ENTPD1: variants seen among roughly 807,000 people sequenced by gnomAD.
The protein encoded by ENTPD1 is ectonucleoside triphosphate diphosphohydrolase 1, also known as ATP diphosphohydrolase.
Under a neutral mutation model 57.0 loss-of-function variants are expected in ENTPD1, and 33 were observed. The ratio of observed to expected loss-of-function variants is 0.58; its 90% CI spans 0.44 to 0.77. ENTPD1 has a LOEUF of 0.77. Ranked by LOEUF, ENTPD1 falls within the 30% of genes least tolerant of loss-of-function variation. The pLI is 0.00. For synonymous variants in ENTPD1, 202 were observed against 218.8 expected, an observed-to-expected ratio of 0.92 and a Z score of 0.68; for missense variants, 501 against 603.4, an observed-to-expected ratio of 0.83 and a Z score of 1.78.
intron 1 of ENTPD1, among the ~76,000 whole-genome samples, chr10:95,800,651 G>A (rs948124314): frequency 1.3e-5 from 2 of 152,124 alleles, no homozygotes; most frequent in Admixed American, 1.3e-4. Flanking sequence ...CCTTCCCCAG[G>A]GTTACTCCTT....
At chr10:95,860,348 T>A in intron 7 of ENTPD1, 121 bp from the exon 8 acceptor site, 1 of 766,444 alleles carries the variant, frequency 1.3e-6, no homozygotes, top group Non-Finnish European at 2.2e-6. Flanking sequence ...AATATCACTT[T>A]GTGTGTTAAT....
upstream of ENTPD1, chr10:95,755,720 G>A (rs1413878235): frequency 7.2e-6 from 11 of 1,537,148 alleles, no homozygotes; most frequent in African/African-American, 1.4e-5. Context: ...GCTTTATGGG[G>A]AGGGAAGAAC....
At chr10:95,809,291 A>T (rs1372025156) in intron 1 of ENTPD1, among the ~76,000 whole-genome samples, 3 of 141,226 alleles carry the variant, frequency 2.1e-5, no homozygotes, top group African/African-American at 8.0e-5. Context: ...CATCCCAGAC[A>T]GGGTGGCCAG....
chr10:95,826,895 T>C (rs1771430924), intron 2 of ENTPD1, among the ~76,000 whole-genome samples: 1 of 152,108 alleles, frequency 6.6e-6, no homozygotes, highest in South Asian at 2.1e-4. Flanking sequence ...AGGGGGAGCC[T>C]TTGGGTTCAA....
chr10:95,732,753 A>C (rs1016824692), intron 1 of ENTPD1, among the ~76,000 whole-genome samples: 2 of 152,192 alleles, frequency 1.3e-5, no homozygotes, highest in African/African-American at 4.8e-5. Flanking sequence ...AGACACACAC[A>C]TGTCGGCAGG....
upstream of ENTPD1, among the ~76,000 whole-genome samples, chr10:95,707,447 G>A (rs2097963005): frequency 6.6e-6 from 1 of 152,220 alleles, no homozygotes; most frequent in South Asian, 2.1e-4. Context: ...GGGCCTCCCT[G>A]CTGCAGCTAG....
chr10:95,855,446 A>C (rs1202621145), intron 7 of ENTPD1, among the ~76,000 whole-genome samples: 3 of 151,678 alleles, frequency 2.0e-5, no homozygotes, highest in Admixed American at 1.3e-4. Flanking sequence ...ATTTAAGGTT[A>C]ATATTGTTAT....
At chr10:95,842,579 C>T in intron 4 of ENTPD1, 85 bp downstream of exon 4, 1 of 1,463,278 alleles carries the variant, frequency 6.8e-7, no homozygotes, top group Non-Finnish European at 9.3e-7. Flanking sequence ...AAGGGCCACA[C>T]TCCCTAATAC....
At chr10:95,729,238 C>T (rs917071688) in intron 1 of ENTPD1, among the ~76,000 whole-genome samples, 1 of 152,130 alleles carries the variant, frequency 6.6e-6, no homozygotes, top group Admixed American at 6.6e-5. Flanking sequence ...AAATGGAGTT[C>T]CTACCAATTA....
upstream of ENTPD1, among the ~76,000 whole-genome samples, chr10:95,707,928 G>A (rs1362769462): frequency 1.3e-5 from 2 of 152,166 alleles, no homozygotes; most frequent in East Asian, 3.9e-4. Context: ...AATTAGTGGA[G>A]CTATATATAC....
rs2098480788 is a variant in ENTPD1 at position 95,871,812 on chromosome 10, G to A, written c.*5429G>A. 1.0e-6 allele frequency: 1 copy of A among 985,288 alleles called. No homozygotes were observed. Among genetic ancestry groups the A allele is most frequent in the Admixed American group, 6.1e-5 (1 of 16,262 alleles). 61.0% of individuals were successfully genotyped at this position (985,288 alleles called of 1,614,324 possible). ...GTATGTTGAATAGCAAAGTTCATCA[G>A]AGAACATGTATTAGTCAATGGTAAG... On this transcript the variant is annotated 3_prime_UTR_variant, in exon 10 of 10. Coordinates refer to ENST00000371205, the MANE Select transcript of ENTPD1 (RefSeq NM_001776.6).
chr10:95,695,561 T>G, the ENTPD1 span, among the ~76,000 whole-genome samples: 2 of 152,242 alleles, frequency 1.3e-5, no homozygotes, highest in Non-Finnish European at 2.9e-5. Flanking sequence ...AGTCTCTCTG[T>G]GTTATAAATA....
At chr10:95,719,810 G>C (rs951168179) in intron 1 of ENTPD1, among the ~76,000 whole-genome samples, 21 of 152,214 alleles carry the variant, frequency 1.4e-4, no homozygotes, top group Admixed American at 3.3e-4. Flanking sequence ...AACCCTTGGG[G>C]TAAAACAGTC....
At chr10:95,817,144 T>G (rs1483806418) in intron 1 of ENTPD1, among the ~76,000 whole-genome samples, 1 of 152,198 alleles carries the variant, frequency 6.6e-6, no homozygotes, top group East Asian at 1.9e-4. Context: ...TCCTGATGAT[T>G]GTTGGCTCGG....
At position 95,873,432 on chromosome 10, in the gene ENTPD1, G is replaced by C. The variant is rs1041856686; in HGVS notation, c.*7049G>C. The C allele has an allele frequency of 1.0e-6, 1 of 985,430 alleles. No homozygotes were observed. Among genetic ancestry groups the C allele is most frequent in the African/African-American group, 1.7e-5 (1 of 57,224 alleles). 61.0% of individuals were successfully genotyped at this position (985,430 alleles called of 1,614,324 possible). On this transcript the variant is annotated 3_prime_UTR_variant, in exon 10 of 10. Coordinates refer to ENST00000371205, the MANE Select transcript of ENTPD1 (RefSeq NM_001776.6). ...GACCAGCACCTCATACTCAGTGAAG[G>C]CCTGGAGTGCTTAAGAGGGATTTCT... is the stretch of plus-strand genomic sequence containing the variant.
At chr10:95,703,852 A>T in the ENTPD1 span, among the ~76,000 whole-genome samples, 1 of 149,714 alleles carries the variant, frequency 6.7e-6, no homozygotes, top group Non-Finnish European at 1.5e-5. Context: ...GCACTTTGCG[A>T]GGCTGAGGTG....
intron 1 of ENTPD1, among the ~76,000 whole-genome samples, chr10:95,739,903 GT>G (rs1274722480): frequency 6.6e-6 from 1 of 152,156 alleles, no homozygotes; most frequent in African/African-American, 2.4e-5. Context: ...TAAATGTTGT[GT>G]TAGCATGCAT....
intron 4 of ENTPD1, chr10:95,843,349 A>G (rs2098426394): frequency 6.6e-6 from 1 of 152,238 alleles, no homozygotes; most frequent in Non-Finnish European, 1.5e-5. Flanking sequence ...GTAGTTCTGC[A>G]TAGATAGAAG....
chr10:95,724,077 G>A (rs919669680), intron 1 of ENTPD1, among the ~76,000 whole-genome samples: 1 of 149,694 alleles, frequency 6.7e-6, no homozygotes, highest in Non-Finnish European at 1.5e-5. Flanking sequence ...CAGGAGAATG[G>A]TGTGAACCCA....
Sources: gnomAD v4.1 joint callset for allele counts (sites outside exome capture counted in the v4.1 genomes callset) on GRCh38, gnomAD v4.1.1 for gene constraint, MANE v1.5 for transcripts, NCBI Gene and HGNC (gene_info 2026-07-23, HGNC 2026-07-21) for gene names.